Variants in C4orf51 observed in about 807,000 individuals in gnomAD.
C4orf51 encodes uncharacterized protein C4orf51.
A neutral mutation model predicts 25.2 loss-of-function variants in C4orf51; 25 were observed. That is an observed-to-expected ratio of 0.99 (90% confidence interval 0.72 to 1.39). The LOEUF (loss-of-function observed/expected upper bound fraction) is 1.39, where lower values mean the gene tolerates loss of function less well. C4orf51 is among the 40% of genes most tolerant of loss of function. The probability of loss-of-function intolerance (pLI) is 0.00; values close to 1 mark genes in which losing one functional copy is unlikely to be tolerated. For missense variants in C4orf51, 252 were observed against 239.6 expected (o/e 1.05, Z -0.34); for synonymous variants, 100 against 84.5 (o/e 1.18, Z -1.01).
chr4:145,755,009 T>G (rs140790495), downstream of C4orf51, among the ~76,000 whole-genome samples: 1 of 152,212 alleles, frequency 6.6e-6, no homozygotes, highest in African/African-American at 2.4e-5. Flanking sequence ...TTTTTAGTCA[T>G]TCTTTTCCCT....
intron 3 of C4orf51, among the ~76,000 whole-genome samples, chr4:145,727,943 AT>A (rs1282743714): frequency 1.2e-5 from 1 of 80,296 alleles, no homozygotes; most frequent in Non-Finnish European, 2.1e-5. Flanking sequence ...ATATATATAC[AT>A]TATATATAAT....
At chr4:145,682,563 A>G (rs1728903994) in intron 1 of C4orf51, among the ~76,000 whole-genome samples, 1 of 152,214 alleles carries the variant, frequency 6.6e-6, no homozygotes, top group African/African-American at 2.4e-5. Flanking sequence ...TAAAATACAC[A>G]AAACATTATA....
chr4:145,692,098 C>T (rs867069305), intron 1 of C4orf51, among the ~76,000 whole-genome samples: 1 of 152,138 alleles, frequency 6.6e-6, no homozygotes, highest in East Asian at 1.9e-4. Context: ...TTCACATGTA[C>T]GTGGAGAGAC....
At chr4:145,702,141 A>T (rs1026313198) in intron 2 of C4orf51, among the ~76,000 whole-genome samples, 1 of 152,132 alleles carries the variant, frequency 6.6e-6, no homozygotes, top group Non-Finnish European at 1.5e-5. Context: ...GCTACAGCAT[A>T]GGCTTCTAAA....
At chr4:145,779,471 T>C in the C4orf51 span, 3 of 1,614,230 alleles carry the variant, frequency 1.9e-6, no homozygotes, top group Non-Finnish European at 1.7e-6. Flanking sequence ...ATTTCCAGGA[T>C]GGTAATCCAT....
chr4:145,771,790 G>A (rs1439792501), downstream of C4orf51, among the ~76,000 whole-genome samples: 1 of 152,222 alleles, frequency 6.6e-6, no homozygotes, highest in Admixed American at 6.5e-5. Context: ...AGCTTATCCT[G>A]TAGATCACAA....
intron 1 of C4orf51, among the ~76,000 whole-genome samples, chr4:145,685,397 G>A (rs186295755): frequency 1.3e-5 from 2 of 152,312 alleles, no homozygotes; most frequent in Non-Finnish European, 2.9e-5. Context: ...AGTTAAAGAA[G>A]GAAGGGGTTT....
intron 2 of C4orf51, among the ~76,000 whole-genome samples, chr4:145,717,938 T>C (rs915966532): frequency 1.3e-5 from 2 of 152,242 alleles, no homozygotes; most frequent in Non-Finnish European, 2.9e-5. Flanking sequence ...TTAATTCAAC[T>C]TTCTCTCCAT....
intron 1 of C4orf51, among the ~76,000 whole-genome samples, chr4:145,750,517 A>C (rs1444758703): frequency 6.8e-6 from 1 of 146,686 alleles, no homozygotes; most frequent in Admixed American, 7.1e-5. Flanking sequence ...AACATATTGG[A>C]GCTCCATTGT....
chr4:145,750,412 G>GCT (rs1733607128), intron 1 of C4orf51, among the ~76,000 whole-genome samples: 1 of 108,138 alleles, frequency 9.2e-6, no homozygotes, highest in Non-Finnish European at 1.9e-5. Context: ...TAGGGTAAAA[G>GCT]TTTTTTTTTT....
At chr4:145,704,446 T>C (rs1730667221) in intron 2 of C4orf51, among the ~76,000 whole-genome samples, 1 of 152,212 alleles carries the variant, frequency 6.6e-6, no homozygotes, top group South Asian at 2.1e-4. Flanking sequence ...CAAAGAAATA[T>C]ATTTTTGGAT....
chr4:145,696,198 G>A (rs112489912), intron 1 of C4orf51, among the ~76,000 whole-genome samples: 19,187 of 152,188 alleles, frequency 0.13, 1,309 homozygotes, highest in South Asian at 0.19. Flanking sequence ...GAAAGCGGAG[G>A]TTGCAGTGAG....
At chr4:145,775,733 G>T, downstream of C4orf51, 1 of 1,599,874 alleles carries the variant, frequency 6.3e-7, no homozygotes, top group Non-Finnish European at 8.6e-7. Context: ...CAGGTAGGAA[G>T]TGTTGAAGTC....
chr4:145,725,415 C>T (rs1427793612), intron 2 of C4orf51, among the ~76,000 whole-genome samples: 1 of 151,986 alleles, frequency 6.6e-6, no homozygotes, highest in African/African-American at 2.4e-5. Context: ...AATAGCAGAA[C>T]CCAGTGATGC....
At chr4:145,740,890 T>G (rs1219401048) in intron 1 of C4orf51, among the ~76,000 whole-genome samples, 1 of 152,236 alleles carries the variant, frequency 6.6e-6, no homozygotes, top group African/African-American at 2.4e-5. Context: ...TTCATTTCTA[T>G]CTCATAAAAC....
downstream of C4orf51, chr4:145,774,408 A>T (rs184238225): frequency 2.5e-4 from 340 of 1,339,640 alleles, 2 homozygotes; most frequent in Admixed American, 6.2e-4. Flanking sequence ...GAAAAGGGCA[A>T]TGTCTCAGGG....
downstream of C4orf51, among the ~76,000 whole-genome samples, chr4:145,755,702 G>T (rs533652674): frequency 7.2e-5 from 11 of 152,120 alleles, no homozygotes; most frequent in African/African-American, 2.7e-4. Flanking sequence ...ACTTACCCTG[G>T]GGCCTGTTTT....
intron 1 of C4orf51, among the ~76,000 whole-genome samples, chr4:145,691,946 A>T (rs1364883585): frequency 1.3e-5 from 2 of 152,246 alleles, no homozygotes; most frequent in Non-Finnish European, 1.5e-5. Context: ...GTTGGTAAGG[A>T]TGCCTAACAA....
intron 2 of C4orf51, among the ~76,000 whole-genome samples, chr4:145,712,699 A>G (rs190872637): frequency 1.3e-5 from 2 of 152,382 alleles, no homozygotes; most frequent in African/African-American, 2.4e-5. Flanking sequence ...CAAGCTATCC[A>G]GAAGACATAG....
Sources: allele counts gnomAD v4.1 joint callset (sites outside exome capture counted in the v4.1 genomes callset), GRCh38; gene constraint gnomAD v4.1.1; transcripts MANE v1.5; gene names NCBI Gene and HGNC (gene_info 2026-07-23, HGNC 2026-07-21).